The following ASH1L variants were observed in gnomAD, a reference collection of about 807,000 sequenced individuals.
ASH1L encodes the protein histone-lysine N-methyltransferase ASH1L.
A neutral mutation model predicts 269.0 loss-of-function variants in ASH1L; 23 were observed. That is an observed-to-expected ratio of 0.09 (90% CI 0.06 to 0.12). ASH1L has a LOEUF of 0.12. Ranked by LOEUF, ASH1L falls within the 10% of genes least tolerant of loss-of-function variation. ASH1L has a pLI of 1.00. For missense variants in ASH1L, 2,912 were observed against 3,567.8 expected, an observed-to-expected ratio of 0.82 and a Z score of 4.68; for synonymous variants, 1,187 against 1,253.5, an observed-to-expected ratio of 0.95 and a Z score of 1.12.
intron 2 of ASH1L, among the ~76,000 whole-genome samples, chr1:155,500,459 T>C (rs145987677): frequency 6.6e-6 from 1 of 152,214 alleles, no homozygotes; most frequent in African/African-American, 2.4e-5. Flanking sequence ...CTACATACAA[T>C]CGGGTCTTCT....
In ASH1L at chr1:155,341,951, G is replaced by A; in HGVS notation, c.8445C>T (p.Pro2815=). The A allele has an allele frequency of 6.2e-7, 1 of 1,613,526 alleles. No individual in the cohort carries two copies. The highest frequency in any genetic ancestry group is 8.5e-7 in the Non-Finnish European group (1 of 1,179,812). The change falls in exon 25 of 28, where the codon CCC becomes CCT. Residue 2815 remains proline (P), a synonymous_variant. Coordinates refer to ENST00000392403, the MANE Select transcript of ASH1L (RefSeq NM_018489.3). ...AFDHFPKKLT[P]KKDFSPHYVP... is the part of the protein sequence containing the mutation. ...GGAGACTCACCGAGAAATCTTTTTT[G>A]GGAGTGAGCTTCTTGGGGAAGTGAT... is the stretch of plus-strand genomic sequence containing the variant.
At position 155,486,855 on chromosome 1, in the gene ASH1L, TA is replaced by T. The variant is rs869311765; in HGVS notation, c.421-4407del. Among the ~76,000 whole-genome samples, 351 of 140,354 alleles carry T rather than the reference TA, an allele frequency of 2.5e-3. 1 individual carries two copies. Among genetic ancestry groups the T allele is most frequent in the Non-Finnish European group, 2.4e-3 (152 of 63,920 alleles). 92.1% of individuals were successfully genotyped at this position (140,354 alleles called of 152,430 possible). ...ACACGCAATACCATGTATTACAGTT[TA>T]AAAAAAAAAAAAGAAAAAAAAAGCT... On this transcript the variant is annotated intron_variant, in intron 2 of 27. Coordinates refer to ENST00000392403, the MANE Select transcript of ASH1L (RefSeq NM_018489.3).
chr1:155,439,091 C>T (rs1157486860), intron 4 of ASH1L, 23 bp from the exon 5 acceptor site: 1 of 1,572,998 alleles, frequency 6.4e-7, no homozygotes, highest in South Asian at 1.2e-5. Context: ...ATAAATCACA[C>T]ATAGACAAAA....
At chr1:155,473,877 C>T (rs1370517600) in intron 3 of ASH1L, among the ~76,000 whole-genome samples, 1 of 152,122 alleles carries the variant, frequency 6.6e-6, no homozygotes, top group Non-Finnish European at 1.5e-5. Flanking sequence ...ACACTGTCAT[C>T]CAGGCTGGAG....
In ASH1L at chr1:155,562,659, T is replaced by A. The variant is rs1183307522; in HGVS notation, c.-606A>T. ...CTGGCTGCTCCCACCAACCACCACC[T>A]TCGGCCGCCCCGCGCGCCAGCCAGC... On this transcript the variant is annotated 5_prime_UTR_variant, in exon 1 of 28. It adds an upstream start codon to the 5' untranslated region. Transcript: ENST00000392403. 3.3e-6 allele frequency: 5 copies of A among 1,523,720 alleles called. No individual in the cohort carries two copies. The South Asian group carries it at 6.0e-5, about 18-fold the overall frequency. The allele number at this position is 1,523,720 out of a possible 1,614,324, so 94.4% of individuals were successfully genotyped here. A position where few individuals can be genotyped will look rare whatever the true frequency, so the allele number is the denominator to read the frequency against.
chr1:155,529,390 AATG>A (rs1669505430), intron 1 of ASH1L, among the ~76,000 whole-genome samples: 1 of 148,970 alleles, frequency 6.7e-6, no homozygotes, highest in Non-Finnish European at 1.5e-5. Context: ...AGCCATTCTG[AATG>A]ATGTGAGATG....
chr1:155,507,022 C>T (rs941841001), intron 2 of ASH1L, among the ~76,000 whole-genome samples: 4 of 152,174 alleles, frequency 2.6e-5, no homozygotes, highest in Non-Finnish European at 5.9e-5. Context: ...GTGGCTCACG[C>T]CTGTAATCCC....
rs1662985528 is a variant in ASH1L, at chr1:155,445,978, G to T, written c.5087-6910C>A. ...TCTCCTGGCCCCAAATGATCTTCCT[G>T]CCTCATTCCCCCATGTTGCTAGGAC... On this transcript the variant is annotated intron_variant, in intron 4 of 27. Coordinates refer to ENST00000392403, the MANE Select transcript of ASH1L (RefSeq NM_018489.3). Among the ~76,000 whole-genome samples the T allele has an allele frequency of 2.0e-5, 3 of 149,812 alleles. No homozygotes were observed. The South Asian group carries it at 6.3e-4, about 31-fold the overall frequency.
chr1:155,380,140 T>A, intron 7 of ASH1L, 24 bp from the exon 8 acceptor site: 1 of 1,556,142 alleles, frequency 6.4e-7, no homozygotes, highest in South Asian at 1.1e-5. Context: ...CACTATTAAT[T>A]TCAATACCTT....
At chr1:155,448,642 G>A (rs1038565443) in intron 4 of ASH1L, among the ~76,000 whole-genome samples, 2 of 152,044 alleles carry the variant, frequency 1.3e-5, no homozygotes, top group African/African-American at 4.8e-5. Flanking sequence ...TTACAGGTGC[G>A]CGTGACCACG....
chr1:155,344,386 C>A, intron 21 of ASH1L, 113 bp from the exon 22 acceptor site: 1 of 740,738 alleles, frequency 1.3e-6, no homozygotes. Flanking sequence ...TTCAATATAC[C>A]ACAGATATAC....
intron 1 of ASH1L, among the ~76,000 whole-genome samples, chr1:155,546,082 T>C (rs1670794045): frequency 7.1e-6 from 1 of 141,162 alleles, no homozygotes; most frequent in Admixed American, 7.8e-5. Flanking sequence ...CGCTTGAGCC[T>C]GGGAGATGGA....
At chr1:155,346,117 A>T (rs1433371444) in intron 21 of ASH1L, 2 of 1,324,678 alleles carry the variant, frequency 1.5e-6, no homozygotes, top group East Asian at 8.9e-5. Flanking sequence ...TACAGGCATG[A>T]GCGACCGTGC....
At chr1:155,489,798 A>C (rs1429313569) in intron 2 of ASH1L, among the ~76,000 whole-genome samples, 7 of 123,240 alleles carry the variant, frequency 5.7e-5, no homozygotes, top group Non-Finnish European at 9.5e-5. Context: ...CTGTCTCAAA[A>C]TAAATAAATA....
At chr1:155,457,776 T>C (rs980992331) in intron 4 of ASH1L, among the ~76,000 whole-genome samples, 6 of 152,236 alleles carry the variant, frequency 3.9e-5, no homozygotes, top group Non-Finnish European at 8.8e-5. Flanking sequence ...AATAGTCTCA[T>C]TGCAAAAGAA....
intron 5 of ASH1L, chr1:155,433,046 A>C (rs1479717724): frequency 1.9e-6 from 2 of 1,027,060 alleles, no homozygotes; most frequent in Admixed American, 3.0e-5. Context: ...GGCAGAAATC[A>C]TCCTCCTTGT....
chr1:155,492,902 A>C (rs1666903779), intron 2 of ASH1L, among the ~76,000 whole-genome samples: 1 of 151,972 alleles, frequency 6.6e-6, no homozygotes, highest in African/African-American at 2.4e-5. Context: ...AGCTTGCCAC[A>C]ACTTTTGCCC....
At chr1:155,345,666 C>G (rs1207221389) in intron 21 of ASH1L, among the ~76,000 whole-genome samples, 1 of 150,036 alleles carries the variant, frequency 6.7e-6, no homozygotes, top group Non-Finnish European at 1.5e-5. Flanking sequence ...CCTCTGCCTC[C>G]TGGGTTCAAG....
chr1:155,531,377 G>A (rs1226810266), intron 1 of ASH1L, among the ~76,000 whole-genome samples: 1 of 141,104 alleles, frequency 7.1e-6, no homozygotes, highest in African/African-American at 2.6e-5. Flanking sequence ...TTTTTTTTTT[G>A]AAACAGAGTC....
Sources: allele counts gnomAD v4.1 joint callset (sites outside exome capture counted in the v4.1 genomes callset), GRCh38; gene constraint gnomAD v4.1.1; transcripts MANE v1.5; gene names NCBI Gene and HGNC (gene_info 2026-07-23, HGNC 2026-07-21).